The following NRXN3 variants were observed in gnomAD, a reference collection of about 807,000 sequenced individuals.
NRXN3 encodes neurexin III.
In NRXN3, 32 loss-of-function variants were observed where a neutral mutation model predicts 137.6. That is an observed-to-expected ratio of 0.23 (90% confidence interval 0.18 to 0.31). The LOEUF is 0.31. Among genes scored for constraint, NRXN3 ranks in the 10% least tolerant of loss-of-function variants. The pLI, the probability that NRXN3 is intolerant of heterozygous loss-of-function variation, is 1.00. For missense variants in NRXN3, 1,574 were observed against 2,062.5 expected, an observed-to-expected ratio of 0.76 and a Z score of 4.59; for synonymous variants, 798 against 784.5, an observed-to-expected ratio of 1.02 and a Z score of -0.29.
intron 16 of NRXN3, among the ~76,000 whole-genome samples, chr14:79,582,740 C>G (rs146358807): frequency 1.1e-3 from 162 of 152,180 alleles, no homozygotes; most frequent in African/African-American, 3.7e-3. Context: ...TTAATATTAG[C>G]ACTTGTTAAC....
chr14:78,259,138 A>C (rs570661710), intron 2 of NRXN3, among the ~76,000 whole-genome samples: 53 of 151,988 alleles, frequency 3.5e-4, no homozygotes, highest in African/African-American at 1.2e-3. Flanking sequence ...TCTCAAAAAA[A>C]AAAAAAAAGA....
rs531219649 is a variant in NRXN3, at chr14:79,002,118, G to A, written c.3262+13977G>A. On this transcript the variant is annotated intron_variant, in intron 15 of 20. Transcript: ENST00000335750. ...GTGTAGAAGAGGTTGTGTGTGGGTC[G>A]TAGGGTTACTGGGATTAGACTATTC... Among the ~76,000 whole-genome samples, 16 of 152,184 alleles carry A rather than the reference G, an allele frequency of 1.1e-4. No individual in the cohort carries two copies. In the South Asian group the frequency reaches 2.1e-3, roughly 20 times the overall value.
chr14:79,298,663 G>A (rs2084619014), intron 15 of NRXN3: 1 of 151,996 alleles, frequency 6.6e-6, no homozygotes, highest in Admixed American at 6.6e-5. Context: ...CGTAATCACT[G>A]GGGTTGTAAC....
chr14:78,850,135 TGAGAGAGAGACAGA>T (rs1163308548), intron 10 of NRXN3, among the ~76,000 whole-genome samples: 1 of 151,504 alleles, frequency 6.6e-6, no homozygotes, highest in African/African-American at 2.4e-5. Context: ...CACTAATACC[TGAGAGAGAGACAGA>T]GAGAGAGAGA....
At chr14:78,417,853 T>C (rs893771626) in intron 4 of NRXN3, among the ~76,000 whole-genome samples, 2 of 152,060 alleles carry the variant, frequency 1.3e-5, no homozygotes, top group Non-Finnish European at 2.9e-5. Context: ...ACCTCCTGGG[T>C]TCAAGCGATT....
At chr14:79,691,852 T>C (rs1427633911) in intron 17 of NRXN3, among the ~76,000 whole-genome samples, 2 of 152,026 alleles carry the variant, frequency 1.3e-5, no homozygotes, top group Admixed American at 6.6e-5. Flanking sequence ...TCCTTGTGTC[T>C]CAACTGGCCC....
chr14:79,067,758 T>G (rs909456535), intron 15 of NRXN3, among the ~76,000 whole-genome samples: 5 of 152,096 alleles, frequency 3.3e-5, no homozygotes, highest in African/African-American at 1.2e-4. Context: ...CTTTGTTACC[T>G]TGGTAAAGAC....
At chr14:79,819,111 A>G (rs1368044662) in intron 20 of NRXN3, among the ~76,000 whole-genome samples, 1 of 152,206 alleles carries the variant, frequency 6.6e-6, no homozygotes, top group Non-Finnish European at 1.5e-5. Context: ...AATTACCCAG[A>G]GCCAAAGTTA....
At chr14:78,520,300 C>T (rs529978601) in intron 4 of NRXN3, among the ~76,000 whole-genome samples, 4 of 152,152 alleles carry the variant, frequency 2.6e-5, no homozygotes, top group Non-Finnish European at 5.9e-5. Flanking sequence ...CAGATATTGT[C>T]AGTGAAGTCC....
intron 4 of NRXN3, among the ~76,000 whole-genome samples, chr14:78,316,729 A>G (rs1171001799): frequency 6.6e-6 from 1 of 152,186 alleles, no homozygotes; most frequent in African/African-American, 2.4e-5. Context: ...AAGGGCATTT[A>G]TGGGCTCAGT....
Position 79,529,785 on chromosome 14 carries a change from G to T in NRXN3, c.3444+62383G>T, listed in dbSNP as rs115308056. ...AGAGAGAGAATTTTGATGGATGTGT[G>T]TATTTGAGTCAGTTTTCATCCCACT... On this transcript the variant is annotated intron_variant, in intron 16 of 20. Transcript: ENST00000335750. Among the ~76,000 whole-genome samples the T allele has an allele frequency of 5.6e-3, 854 of 152,302 alleles. 5 individuals are homozygous for T. Among genetic ancestry groups the T allele is most frequent in the African/African-American group, 0.02 (830 of 41,576 alleles).
intron 1 of NRXN3, among the ~76,000 whole-genome samples, chr14:78,228,833 C>T (rs2065015586): frequency 6.6e-6 from 1 of 152,150 alleles, no homozygotes; most frequent in South Asian, 2.1e-4. Flanking sequence ...CTAGGGCAAA[C>T]AATGAGCAAC....
At chr14:79,606,843 C>T (rs1391043910) in intron 16 of NRXN3, among the ~76,000 whole-genome samples, 3 of 152,122 alleles carry the variant, frequency 2.0e-5, no homozygotes, top group African/African-American at 7.2e-5. Context: ...AAAAGAATAG[C>T]GTGGACACAC....
At chr14:79,652,793 G>A (rs549361301) in intron 16 of NRXN3, among the ~76,000 whole-genome samples, 2 of 152,046 alleles carry the variant, frequency 1.3e-5, no homozygotes, top group South Asian at 4.1e-4. Flanking sequence ...CTCCCCTACA[G>A]AGGCTTTGAT....
At chr14:78,442,479 C>G (rs919625133) in intron 4 of NRXN3, among the ~76,000 whole-genome samples, 6 of 152,158 alleles carry the variant, frequency 3.9e-5, no homozygotes, top group African/African-American at 1.4e-4. Context: ...ACCTAGATTT[C>G]AGACTGTTGG....
chr14:78,274,438 A>C (rs1319603035), intron 2 of NRXN3, among the ~76,000 whole-genome samples: 1 of 152,190 alleles, frequency 6.6e-6, no homozygotes, highest in Non-Finnish European at 1.5e-5. Flanking sequence ...CTACCACAAG[A>C]ACAGCATGAG....
chr14:79,670,301 C>A (rs991792371), intron 17 of NRXN3, among the ~76,000 whole-genome samples: 2 of 152,010 alleles, frequency 1.3e-5, no homozygotes, highest in African/African-American at 4.8e-5. Context: ...GGGATAATAA[C>A]TCCACCCTAT....
intron 19 of NRXN3, among the ~76,000 whole-genome samples, chr14:79,772,082 C>A (rs1367875144): frequency 6.8e-6 from 1 of 147,976 alleles, no homozygotes; most frequent in Non-Finnish European, 1.5e-5. Flanking sequence ...ATGTGAAGGA[C>A]CTCTTCAAGG....
rs182054138 is a variant in NRXN3, at chr14:78,557,136, C to G, written c.758-87984C>G. Among the ~76,000 whole-genome samples the G allele has an allele frequency of 2.4e-3, 363 of 150,598 alleles. 3 individuals are homozygous for G. The highest frequency in any genetic ancestry group is 8.7e-3 in the African/African-American group (356 of 40,896). The stretch of plus-strand genomic sequence containing the variant: ...CATGGCTGAATGTAGCCTTAACTTC[C>G]CAGGCTCAAGAAATCTTCCCACCTC... On this transcript the variant is annotated intron_variant, in intron 4 of 20. Coordinates refer to ENST00000335750, the MANE Select transcript of NRXN3 (RefSeq NM_001330195.2).
Sources: allele counts gnomAD v4.1 joint callset (sites outside exome capture counted in the v4.1 genomes callset), GRCh38; gene constraint gnomAD v4.1.1; transcripts MANE v1.5; gene names NCBI Gene and HGNC (gene_info 2026-07-23, HGNC 2026-07-21).